The following VEGFC variants were observed in gnomAD, a reference collection of about 807,000 sequenced individuals.
VEGFC encodes the protein FLT4 ligand DHM.
A neutral mutation model predicts 46.1 loss-of-function variants in VEGFC; 12 were observed. The observed-to-expected ratio is 0.26, with a 90% confidence interval of 0.17 to 0.42. The LOEUF is 0.42. VEGFC is among the 10% of genes least tolerant of loss of function. VEGFC has a pLI of 1.00. For synonymous variants in VEGFC, 232 were observed against 195.5 expected (o/e 1.19, Z -1.56); for missense variants, 488 against 529.4 (o/e 0.92, Z 0.77).
At chr4:176,784,554 T>C (rs1439070634) in intron 1 of VEGFC, among the ~76,000 whole-genome samples, 4 of 151,618 alleles carry the variant, frequency 2.6e-5, no homozygotes, top group African/African-American at 9.7e-5. Context: ...GAGACCATTC[T>C]GGCTAACATG....
intron 4 of VEGFC, among the ~76,000 whole-genome samples, chr4:176,701,432 CA>C (rs1294609517): frequency 2.6e-5 from 4 of 152,138 alleles, no homozygotes; most frequent in African/African-American, 9.7e-5. Flanking sequence ...TGTATTGATG[CA>C]ATCTCCTCAG....
In VEGFC at chr4:176,687,229, T is replaced by G. The variant is rs1480969092; in HGVS notation, c.1103A>C (p.Lys368Thr). ...CACECTESPQ[K>T]CLLKGKKFHH... is the part of the protein sequence containing the mutation. ...GAACTTCTTTCCTTTTAACAAGCAT[T>G]TCTGTGGACTTTCTGTACATTCACA... is the stretch of plus-strand genomic sequence containing the variant. Residue 368 changes from lysine (K) to threonine (T), a missense_variant, in exon 6 of 7, where the codon AAA becomes ACA. By Grantham distance (78) the Lys-to-Thr change is moderately conservative. Transcript: ENST00000618562. 1 of 1,613,878 alleles carries G rather than the reference T, an allele frequency of 6.2e-7. No homozygotes were observed. Among genetic ancestry groups the G allele is most frequent in the African/African-American group, 1.3e-5 (1 of 74,868 alleles).
intron 4 of VEGFC, among the ~76,000 whole-genome samples, chr4:176,692,080 C>A (rs923083260): frequency 6.6e-6 from 1 of 152,086 alleles, no homozygotes; most frequent in African/African-American, 2.4e-5. Context: ...CCGAATACTG[C>A]GCTTTTCCGA....
At chr4:176,738,251 C>A (rs1247127565) in intron 1 of VEGFC, among the ~76,000 whole-genome samples, 1 of 151,980 alleles carries the variant, frequency 6.6e-6, no homozygotes, top group Non-Finnish European at 1.5e-5. Context: ...CAAGACAATC[C>A]TAAGCAAAAA....
intron 1 of VEGFC, among the ~76,000 whole-genome samples, chr4:176,775,517 G>A (rs1253457503): frequency 6.6e-6 from 1 of 152,086 alleles, no homozygotes; most frequent in Admixed American, 6.6e-5. Flanking sequence ...TTTTGTAATT[G>A]CAGTTAAAAC....
chr4:176,735,495 A>C (rs1735039276), intron 1 of VEGFC, among the ~76,000 whole-genome samples: 1 of 151,946 alleles, frequency 6.6e-6, no homozygotes, highest in South Asian at 2.1e-4. Context: ...AAAAATTACT[A>C]GTGGATATAT....
At chr4:176,737,298 G>A (rs1052410150) in intron 1 of VEGFC, among the ~76,000 whole-genome samples, 64 of 143,738 alleles carry the variant, frequency 4.5e-4, no homozygotes, top group African/African-American at 1.5e-3. Context: ...TATAGAATAT[G>A]TTTATAATAT....
chr4:176,759,291 AAAG>A (rs1310526064), intron 1 of VEGFC, among the ~76,000 whole-genome samples: 3 of 152,136 alleles, frequency 2.0e-5, no homozygotes, highest in Admixed American at 6.6e-5. Context: ...CAACCATAAA[AAAG>A]AAGGAAATCC....
chr4:176,764,546 C>T (rs765841979), intron 1 of VEGFC, among the ~76,000 whole-genome samples: 2 of 152,146 alleles, frequency 1.3e-5, no homozygotes, highest in Non-Finnish European at 2.9e-5. Flanking sequence ...GCAACAGTCT[C>T]ATAGTGCAGA....
chr4:176,685,549 T>A (rs1292944296), intron 6 of VEGFC, among the ~76,000 whole-genome samples: 1 of 152,128 alleles, frequency 6.6e-6, no homozygotes, highest in Non-Finnish European at 1.5e-5. Flanking sequence ...AAATATTGTC[T>A]GTGTTCATAT....
chr4:176,706,527 T>C (rs1734537506), intron 4 of VEGFC, among the ~76,000 whole-genome samples: 1 of 143,992 alleles, frequency 6.9e-6, no homozygotes. Context: ...CTCGGGAGGA[T>C]GAGGCAGAGA....
At chr4:176,745,600 T>C (rs761536925) in intron 1 of VEGFC, among the ~76,000 whole-genome samples, 37 of 152,246 alleles carry the variant, frequency 2.4e-4, no homozygotes, top group Non-Finnish European at 3.2e-4. Flanking sequence ...CAGGTTCATC[T>C]GAAGCCAAAA....
Position 176,687,362 on chromosome 4 carries a change from A to C in VEGFC, c.970T>G (p.Phe324Val), listed in dbSNP as rs1734061725. ...SCQCVCKNKL[F>V]PSQCGANREF... ...CGGTTGGCCCCACATTGGCTGGGGA[A>C]GAGTTTGTTTTTACAGACACACTGG... Residue 324 changes from phenylalanine (F) to valine (V), a missense_variant, in exon 6 of 7, where the codon TTC (phenylalanine) becomes GTC (valine). Transcript: ENST00000618562. The C allele has an allele frequency of 6.2e-7, 1 of 1,613,962 alleles. No individual in the cohort carries two copies. The highest frequency in any genetic ancestry group is 8.5e-7 in the Non-Finnish European group (1 of 1,180,006).
rs540268091 is a variant in VEGFC, at chr4:176,742,489, A to G, written c.148-12743T>C. 2.8e-4 allele frequency among the ~76,000 whole-genome samples: 42 copies of G among 152,054 alleles called. 3 individuals carry two copies. In the South Asian group the frequency reaches 8.7e-3, roughly 32 times the overall value. On this transcript the variant is annotated intron_variant, in intron 1 of 6. Transcript: ENST00000618562. ...GGTTGCTGGGTCAAACTGTAGTTCT[A>G]TTTTTAGTTCTTTGAGAAATTTTCA...
intron 1 of VEGFC, among the ~76,000 whole-genome samples, chr4:176,768,661 C>G (rs1186177806): frequency 6.6e-6 from 1 of 151,712 alleles, no homozygotes; most frequent in African/African-American, 2.4e-5. Context: ...TTACCCAATC[C>G]AGAGCCATAC....
intron 1 of VEGFC, among the ~76,000 whole-genome samples, chr4:176,779,181 T>C (rs1384193183): frequency 3.3e-5 from 5 of 152,162 alleles, no homozygotes. Context: ...AGATGTACAA[T>C]TAGAGATGAA....
chr4:176,734,626 T>C (rs1735024881), intron 1 of VEGFC, among the ~76,000 whole-genome samples: 1 of 151,894 alleles, frequency 6.6e-6, no homozygotes, highest in African/African-American at 2.4e-5. Context: ...GTGCAAAAAC[T>C]GAGTGAAAGG....
At chr4:176,782,524 A>ACAAT (rs1217241893) in intron 1 of VEGFC, among the ~76,000 whole-genome samples, 1 of 151,984 alleles carries the variant, frequency 6.6e-6, no homozygotes, top group Non-Finnish European at 1.5e-5. Context: ...AATTAGTGTG[A>ACAAT]CAATGAAAAA....
intron 4 of VEGFC, among the ~76,000 whole-genome samples, chr4:176,689,104 G>A (rs1734100706): frequency 1.3e-5 from 2 of 152,050 alleles, no homozygotes; most frequent in African/African-American, 4.8e-5. Context: ...TCTAATGTTG[G>A]TGTAGACATC....
Sources: gnomAD v4.1 joint callset for allele counts (sites outside exome capture counted in the v4.1 genomes callset) on GRCh38, gnomAD v4.1.1 for gene constraint, MANE v1.5 for transcripts, NCBI Gene and HGNC (gene_info 2026-07-23, HGNC 2026-07-21) for gene names.